Variants in SUGCT observed in about 807,000 individuals in gnomAD.
SUGCT encodes the protein succinyl-CoA:glutarate-CoA transferase.
In SUGCT, 41 loss-of-function variants were observed where a neutral mutation model predicts 55.0. The ratio of observed to expected loss-of-function variants is 0.74; its 90% CI spans 0.58 to 0.97. SUGCT has a LOEUF of 0.97. SUGCT is among the 50% of genes least tolerant of loss of function. SUGCT has a pLI of 0.00. For missense variants in SUGCT, 568 were observed against 547.8 expected (o/e 1.04, Z -0.37); for synonymous variants, 187 against 200.4 (o/e 0.93, Z 0.56).
intron 9 of SUGCT, among the ~76,000 whole-genome samples, chr7:40,387,655 G>A (rs1007653129): frequency 6.6e-6 from 1 of 152,098 alleles, no homozygotes; most frequent in Admixed American, 6.6e-5. Context: ...CAGAATTGTG[G>A]TGTACAAATG....
At chr7:40,469,342 A>C (rs1790287019) in intron 11 of SUGCT, among the ~76,000 whole-genome samples, 1 of 152,168 alleles carries the variant, frequency 6.6e-6, no homozygotes, top group Admixed American at 6.5e-5. Flanking sequence ...GGATAAATGG[A>C]TCTGATGTTT....
chr7:40,811,066 GC>G (rs1284376980), intron 13 of SUGCT, among the ~76,000 whole-genome samples: 1 of 152,170 alleles, frequency 6.6e-6, no homozygotes, highest in African/African-American at 2.4e-5. Flanking sequence ...AGATCAGATG[GC>G]TATAGGTATG....
chr7:40,241,596 G>T (rs1789397228), intron 7 of SUGCT, among the ~76,000 whole-genome samples: 2 of 150,006 alleles, frequency 1.3e-5, no homozygotes, highest in Non-Finnish European at 3.0e-5. Flanking sequence ...AAAAAAAAAG[G>T]AAAAAGTATA....
chr7:40,891,134 G>C, the SUGCT span, among the ~76,000 whole-genome samples: 1 of 152,082 alleles, frequency 6.6e-6, no homozygotes, highest in Non-Finnish European at 1.5e-5. Flanking sequence ...AAAGAAAGGA[G>C]TCAAGAAAGT....
Position 40,188,562 on chromosome 7 carries a change from T to C in SUGCT, c.294T>C (p.Ser98=). The part of the protein sequence containing the change: ...FVGTESTYYL[S]VNRNKKSIAV... ...GGACAGAAAGTACATATTATCTCAG[T>C]GTTAACCGAAATAAAAAAGTAAGAA... Residue 98 remains serine, a synonymous_variant, in exon 4 of 14, where the codon AGT becomes AGC. Transcript: ENST00000335693. The C allele has an allele frequency of 6.2e-7, 1 of 1,604,088 alleles. No individual in the cohort carries two copies. Among genetic ancestry groups the C allele is most frequent in the Non-Finnish European group, 8.5e-7 (1 of 1,177,004 alleles).
chr7:40,472,638 A>T (rs1333905325), intron 11 of SUGCT, among the ~76,000 whole-genome samples: 1 of 151,978 alleles, frequency 6.6e-6, no homozygotes, highest in African/African-American at 2.4e-5. Context: ...AAGAGAGCAA[A>T]CCACATAATG....
chr7:40,203,836 A>G (rs1786767649), intron 6 of SUGCT, among the ~76,000 whole-genome samples: 1 of 152,106 alleles, frequency 6.6e-6, no homozygotes, highest in African/African-American at 2.4e-5. Flanking sequence ...TATTTTGGCT[A>G]ATGTTGTAGA....
chr7:40,754,364 A>T (rs535353032), intron 13 of SUGCT, among the ~76,000 whole-genome samples: 1 of 152,328 alleles, frequency 6.6e-6, no homozygotes, highest in East Asian at 1.9e-4. Flanking sequence ...TGTCAGCATG[A>T]TAGGCACAAT....
At chr7:40,695,637 C>T (rs1038372563) in intron 12 of SUGCT, among the ~76,000 whole-genome samples, 2 of 152,158 alleles carry the variant, frequency 1.3e-5, no homozygotes, top group Admixed American at 6.5e-5. Flanking sequence ...GCAAATATTA[C>T]TGAGAGCTAC....
intron 13 of SUGCT, among the ~76,000 whole-genome samples, chr7:40,807,220 TTTTTTA>T (rs1031495721): frequency 2.0e-5 from 3 of 152,192 alleles, no homozygotes; most frequent in South Asian, 4.1e-4. Flanking sequence ...TTTATATTAT[TTTTTTA>T]TTTTTATTTT....
intron 12 of SUGCT, among the ~76,000 whole-genome samples, chr7:40,602,474 C>G (rs1163408326): frequency 6.6e-6 from 1 of 152,140 alleles, no homozygotes; most frequent in Admixed American, 6.6e-5. Flanking sequence ...TGACTGATCA[C>G]AGGTTCACAT....
intron 12 of SUGCT, among the ~76,000 whole-genome samples, chr7:40,622,506 T>G (rs1370051213): frequency 1.3e-5 from 2 of 149,910 alleles, no homozygotes; most frequent in Non-Finnish European, 3.0e-5. Flanking sequence ...CAGACTTAAC[T>G]GCCCTCATGT....
intron 12 of SUGCT, among the ~76,000 whole-genome samples, chr7:40,679,252 T>C (rs1294253171): frequency 1.3e-5 from 2 of 152,238 alleles, no homozygotes; most frequent in Non-Finnish European, 2.9e-5. Flanking sequence ...CCCTAGTGTT[T>C]ATCAATCTTG....
intron 12 of SUGCT, among the ~76,000 whole-genome samples, chr7:40,544,272 G>T (rs778684952): frequency 2.0e-5 from 3 of 151,920 alleles, no homozygotes; most frequent in Non-Finnish European, 2.9e-5. Context: ...TCACTGCCAG[G>T]CTCTGGCCCC....
intron 13 of SUGCT, among the ~76,000 whole-genome samples, chr7:40,810,729 T>C (rs979574661): frequency 2.6e-5 from 4 of 152,208 alleles, no homozygotes; most frequent in Non-Finnish European, 4.4e-5. Context: ...GTTTATTCTG[T>C]TGATATTTCT....
intron 12 of SUGCT, among the ~76,000 whole-genome samples, chr7:40,608,547 A>G (rs765477772): frequency 2.6e-5 from 4 of 152,218 alleles, no homozygotes; most frequent in African/African-American, 4.8e-5. Context: ...AGTTTAGATT[A>G]CTATCAGGCA....
chr7:40,255,153 G>C (rs1343532340), intron 7 of SUGCT, among the ~76,000 whole-genome samples: 1 of 151,086 alleles, frequency 6.6e-6, no homozygotes, highest in Non-Finnish European at 1.5e-5. Flanking sequence ...CTTGAACCCG[G>C]GAGGCAGAGG....
intron 12 of SUGCT, among the ~76,000 whole-genome samples, chr7:40,602,627 A>G (rs998940778): frequency 2.0e-5 from 3 of 152,140 alleles, no homozygotes; most frequent in Admixed American, 6.5e-5. Context: ...TTTGCTGTTT[A>G]CTCATATAGC....
chr7:40,765,502 GAAATAAA>G lies in SUGCT; in HGVS notation c.1153+16026_1153+16032del, dbSNP rs574144136. On this transcript the variant is annotated intron_variant, in intron 13 of 13. Transcript: ENST00000335693. ...ACCCTAAAAACTGTGTTTTTCTCCT[GAAATAAA>G]AAATAAAAAATAAAAAATAACGAAC... Among the ~76,000 whole-genome samples the G allele has an allele frequency of 1.9e-3, 286 of 150,406 alleles. 1 individual carries two copies. The highest frequency in any genetic ancestry group is 6.5e-3 in the African/African-American group (267 of 41,124).
Sources: gnomAD v4.1 joint callset for allele counts (sites outside exome capture counted in the v4.1 genomes callset) on GRCh38, gnomAD v4.1.1 for gene constraint, MANE v1.5 for transcripts, NCBI Gene and HGNC (gene_info 2026-07-23, HGNC 2026-07-21) for gene names.